The following PKD2L1 variants were observed in gnomAD, a reference collection of about 807,000 sequenced individuals.
The protein encoded by PKD2L1 is polycystin-2-like protein 1.
Under a neutral mutation model 93.0 loss-of-function variants are expected in PKD2L1, and 77 were observed. That is an observed-to-expected ratio of 0.83 (90% CI 0.69 to 1.00). The LOEUF (loss-of-function observed/expected upper bound fraction) is 1.00, where lower values mean the gene tolerates loss of function less well. Ranked by LOEUF, PKD2L1 falls within the 50% of genes least tolerant of loss-of-function variation. PKD2L1 has a pLI of 0.00. For missense variants in PKD2L1, 977 were observed against 990.9 expected (o/e 0.99, Z 0.19); for synonymous variants, 390 against 388.0 (o/e 1.01, Z -0.06).
intron 2 of PKD2L1, among the ~76,000 whole-genome samples, chr10:100,311,424 A>G (rs77824198): frequency 0.034 from 5,174 of 152,282 alleles, 135 homozygotes; most frequent in Non-Finnish European, 0.057. Flanking sequence ...ATTGTTATTG[A>G]AGAAGTATGA....
chr10:100,328,538 T>G (rs968436605), intron 2 of PKD2L1, among the ~76,000 whole-genome samples: 21 of 152,054 alleles, frequency 1.4e-4, no homozygotes, highest in African/African-American at 5.1e-4. Context: ...GTATAATAAC[T>G]ACGTGAAGCC....
chr10:100,301,912 G>A (rs545854528), intron 2 of PKD2L1, among the ~76,000 whole-genome samples: 102 of 152,252 alleles, frequency 6.7e-4, no homozygotes, highest in South Asian at 6.2e-4. Flanking sequence ...CTGACTTCCC[G>A]CAACACTCCG....
chr10:100,319,662 A>G (rs1372965886), intron 2 of PKD2L1, among the ~76,000 whole-genome samples: 1 of 152,254 alleles, frequency 6.6e-6, no homozygotes, highest in Non-Finnish European at 1.5e-5. Context: ...AAAGCAGAGT[A>G]AAGAGAGGCA....
intron 2 of PKD2L1, among the ~76,000 whole-genome samples, chr10:100,313,231 G>A (rs1345505726): frequency 6.6e-6 from 1 of 152,106 alleles, no homozygotes; most frequent in Non-Finnish European, 1.5e-5. Context: ...GCTGAGACCC[G>A]GAGACTTTTT....
At chr10:100,320,963 G>C (rs1029249768) in intron 2 of PKD2L1, among the ~76,000 whole-genome samples, 1 of 152,210 alleles carries the variant, frequency 6.6e-6, no homozygotes, top group African/African-American at 2.4e-5. Flanking sequence ...AAAAGCTGCA[G>C]CTATAGATAC....
At chr10:100,294,851 C>G (rs1438549401) in intron 8 of PKD2L1, 91 bp downstream of exon 8, 1 of 1,319,946 alleles carries the variant, frequency 7.6e-7, no homozygotes, top group Non-Finnish European at 1.1e-6. Flanking sequence ...GACATGCAGA[C>G]ACGCACGTAC....
At position 100,295,042 on chromosome 10, in the gene PKD2L1, A is replaced by G; in HGVS notation, c.1438T>C (p.Phe480Leu). 6.2e-7 allele frequency: 1 copy of G among 1,614,118 alleles called. No homozygotes were observed. Among genetic ancestry groups the G allele is most frequent in the Non-Finnish European group, 8.5e-7 (1 of 1,179,964 alleles). ...AAAACAATGAAGAACATGACGGCGA[A>G]GCCCAGGATGTCCTTGGCACAGCGG... ...LARCAKDILG[F>L]AVMFFIVFFA... The change falls in exon 8 of 16, where the codon TTC (phenylalanine) becomes CTC (leucine). Residue 480 changes from phenylalanine (F) to leucine (L), a missense_variant. Transcript: ENST00000318222.
intron 2 of PKD2L1, among the ~76,000 whole-genome samples, chr10:100,306,667 C>G (rs901766657): frequency 1.3e-5 from 2 of 151,646 alleles, no homozygotes; most frequent in African/African-American, 4.9e-5. Context: ...TTGACACCAG[C>G]CCGGGCAACA....
intron 2 of PKD2L1, among the ~76,000 whole-genome samples, chr10:100,305,383 G>T (rs1169133008): frequency 6.6e-6 from 1 of 152,088 alleles, no homozygotes; most frequent in Admixed American, 6.5e-5. Flanking sequence ...CAAAGTGCTG[G>T]GATTACAGGC....
intron 14 of PKD2L1, among the ~76,000 whole-genome samples, chr10:100,289,470 C>A (rs908151575): frequency 6.6e-6 from 1 of 152,032 alleles, no homozygotes; most frequent in African/African-American, 2.4e-5. Flanking sequence ...ACTCAGGAGG[C>A]GGAGGTTGCA....
chr10:100,294,328 C>T (rs148146442), intron 9 of PKD2L1, among the ~76,000 whole-genome samples: 1 of 152,110 alleles, frequency 6.6e-6, no homozygotes, highest in Non-Finnish European at 1.5e-5. Flanking sequence ...AGGGAGTCTG[C>T]AGGTTCCCTT....
rs945592019 is a variant in PKD2L1 at position 100,293,103 on chromosome 10, CA to C, written c.1759-35del. 3 of 1,607,188 alleles carry C rather than the reference CA, an allele frequency of 1.9e-6. No homozygotes were observed. The African/African-American group carries it at 4.0e-5, about 21-fold the overall frequency. ...GAAAGGAAATAGGCACAAGTTCTCA[CA>C]GGCTGCTCACTCATCCCTGGCCCCC... On this transcript the variant is annotated intron_variant, in intron 10 of 15. Transcript: ENST00000318222.
chr10:100,315,566 G>A (rs1849083732), intron 2 of PKD2L1, among the ~76,000 whole-genome samples: 1 of 152,192 alleles, frequency 6.6e-6, no homozygotes, highest in African/African-American at 2.4e-5. Context: ...TGAGAATGAA[G>A]AGGGATTTTC....
At chr10:100,297,338 C>G in intron 5 of PKD2L1, 44 bp downstream of exon 5, 1 of 1,566,064 alleles carries the variant, frequency 6.4e-7, no homozygotes, top group African/African-American at 1.4e-5. Context: ...AGACGGGAAC[C>G]AGGAGCCATG....
At chr10:100,292,926 G>A (rs112599242) in intron 11 of PKD2L1, 22 bp downstream of exon 11, 2 of 1,608,814 alleles carry the variant, frequency 1.2e-6, no homozygotes, top group African/African-American at 1.3e-5. Context: ...TATTAGAGAA[G>A]GCTGGGTCTC....
intron 2 of PKD2L1, among the ~76,000 whole-genome samples, chr10:100,306,092 G>T (rs1848793998): frequency 6.6e-6 from 1 of 152,038 alleles, no homozygotes; most frequent in Non-Finnish European, 1.5e-5. Flanking sequence ...AGAGATGAGA[G>T]GTCAAGGCTG....
chr10:100,303,100 A>G (rs73340099), intron 2 of PKD2L1, among the ~76,000 whole-genome samples: 8,047 of 152,024 alleles, frequency 0.053, 709 homozygotes, highest in African/African-American at 0.18. Flanking sequence ...ATGTTCATAT[A>G]TGGGAAAACT....
At chr10:100,291,838 T>G (rs973451813) in intron 11 of PKD2L1, among the ~76,000 whole-genome samples, 1 of 152,206 alleles carries the variant, frequency 6.6e-6, no homozygotes. Context: ...AGAGTGGTAG[T>G]GTGGCCTTTC....
chr10:100,320,983 G>A (rs746217274), intron 2 of PKD2L1, among the ~76,000 whole-genome samples: 1 of 152,242 alleles, frequency 6.6e-6, no homozygotes, highest in Non-Finnish European at 1.5e-5. Context: ...CATTTACCAT[G>A]ATAGGCAAAT....
Sources: allele counts gnomAD v4.1 joint callset (sites outside exome capture counted in the v4.1 genomes callset), GRCh38; gene constraint gnomAD v4.1.1; transcripts MANE v1.5; gene names NCBI Gene and HGNC (gene_info 2026-07-23, HGNC 2026-07-21).